NFXL1: variants seen among roughly 807,000 people sequenced by gnomAD.
NFXL1 encodes the protein NF-X1-type zinc finger protein NFXL1.
A neutral mutation model predicts 123.3 loss-of-function variants in NFXL1; 66 were observed. That is an observed-to-expected ratio of 0.54 (90% CI 0.44 to 0.66). NFXL1 has a LOEUF of 0.66. Among genes scored for constraint, NFXL1 ranks in the 30% least tolerant of loss-of-function variants. The pLI is 0.00. For synonymous variants in NFXL1, 346 were observed against 360.8 expected (o/e 0.96, Z 0.46); for missense variants, 944 against 1,125.6 (o/e 0.84, Z 2.31).
chr4:47,911,090 G>A, intron 2 of NFXL1, 96 bp from the exon 3 acceptor site: 1 of 670,578 alleles, frequency 1.5e-6, no homozygotes, highest in Non-Finnish European at 2.3e-6. Flanking sequence ...ACATTTGAAA[G>A]TCACCTTTGG....
intron 20 of NFXL1, among the ~76,000 whole-genome samples, chr4:47,853,430 T>C (rs1734232437): frequency 6.6e-6 from 1 of 151,994 alleles, no homozygotes; most frequent in African/African-American, 2.4e-5. Flanking sequence ...ATAAACTCTA[T>C]TTTACAGATG....
At chr4:47,907,654 T>C (rs978324641) in intron 3 of NFXL1, among the ~76,000 whole-genome samples, 1 of 152,340 alleles carries the variant, frequency 6.6e-6, no homozygotes, top group South Asian at 2.1e-4. Flanking sequence ...ATGGGAATCA[T>C]ATACTAATGG....
chr4:47,856,240 T>C (rs1367345983), intron 19 of NFXL1, among the ~76,000 whole-genome samples: 2 of 152,142 alleles, frequency 1.3e-5, no homozygotes, highest in Non-Finnish European at 2.9e-5. Context: ...ATTTCACATG[T>C]AAAAGAGTAT....
intron 18 of NFXL1, among the ~76,000 whole-genome samples, chr4:47,874,219 T>C (rs1439544327): frequency 6.6e-6 from 1 of 152,236 alleles, no homozygotes; most frequent in East Asian, 1.9e-4. Flanking sequence ...TTAAGAATTT[T>C]TCCTTTGCAT....
intron 10 of NFXL1, among the ~76,000 whole-genome samples, chr4:47,895,354 C>G (rs1262872147): frequency 6.6e-6 from 1 of 152,208 alleles, no homozygotes; most frequent in Non-Finnish European, 1.5e-5. Flanking sequence ...GAAGCTTTAA[C>G]TGTGAAAGTC....
At position 47,896,506 on chromosome 4, in the gene NFXL1, T is replaced by C. The variant is rs1560600587; in HGVS notation, c.1329+17A>G. The C allele has an allele frequency of 1.2e-6, 2 of 1,603,946 alleles. No individual in the cohort carries two copies. The highest frequency in any genetic ancestry group is 8.5e-7 in the Non-Finnish European group (1 of 1,171,098). On this transcript the variant is annotated intron_variant, in intron 10 of 22. Transcript: ENST00000507489. ...ATAGGTAGCTCTTAAAAGTAATTAT[T>C]ACAGGAGATGACTAACTTGTCTACA...
chr4:47,910,963 G>C lies in NFXL1; in HGVS notation c.267C>G (p.Ile89Met). ...ELMSQKKFEEIKKANQAAARK... is the reference protein window; with the variant it reads ...ELMSQKKFEEMKKANQAAARK... ...TGGCTGCAGCTTGGTTAGCTTTCTT[G>C]ATTTCTTCAAATTTTTTCTGAGACA... The change falls in exon 3 of 23, where the codon ATC becomes ATG. Residue 89 changes from isoleucine to methionine, a missense_variant. By Grantham distance (10) the Ile-to-Met change is conservative. Around this residue, in one of 4 missense-constraint regions of NFXL1, gnomAD observed 303 missense variants for 292.1 expected, o/e 1.04. Transcript: ENST00000507489. 1 of 1,603,474 alleles carries C rather than the reference G, an allele frequency of 6.2e-7. No individual in the cohort carries two copies. Among genetic ancestry groups the C allele is most frequent in the Non-Finnish European group, 8.5e-7 (1 of 1,176,136 alleles).
chr4:47,876,387 A>C (rs1030358355), intron 17 of NFXL1, among the ~76,000 whole-genome samples: 3 of 152,108 alleles, frequency 2.0e-5, no homozygotes, highest in Admixed American at 2.0e-4. Flanking sequence ...AATTGAGTTA[A>C]ATGAAGGAGA....
chr4:47,857,431 G>A (rs373621310), intron 19 of NFXL1, among the ~76,000 whole-genome samples: 2 of 152,090 alleles, frequency 1.3e-5, no homozygotes, highest in Admixed American at 6.5e-5. Flanking sequence ...CTATAGTGTC[G>A]CCTTTCACTT....
intron 19 of NFXL1, among the ~76,000 whole-genome samples, chr4:47,861,305 T>A (rs555298822): frequency 6.6e-6 from 1 of 152,222 alleles, no homozygotes; most frequent in African/African-American, 2.4e-5. Context: ...TGTCTACTCT[T>A]AGATTGTTCC....
At chr4:47,884,312 G>GTTTT in intron 15 of NFXL1, 34 bp downstream of exon 15, 2 of 970,244 alleles carry the variant, frequency 2.1e-6, no homozygotes, top group South Asian at 1.7e-5. Flanking sequence ...AAAGTTTTTT[G>GTTTT]TTTTTTTTTT....
chr4:47,887,633 C>A (rs987823236), intron 12 of NFXL1, among the ~76,000 whole-genome samples: 1 of 152,086 alleles, frequency 6.6e-6, no homozygotes, highest in Non-Finnish European at 1.5e-5. Context: ...ATATTTAAGT[C>A]GGTTCTCATT....
chr4:47,908,783 G>A (rs1356511553), intron 3 of NFXL1, among the ~76,000 whole-genome samples: 4 of 151,644 alleles, frequency 2.6e-5, no homozygotes, highest in East Asian at 1.9e-4. Context: ...GTAAAACCCC[G>A]TCTCTACTAA....
chr4:47,912,436 T>A (rs1455153576), intron 2 of NFXL1, among the ~76,000 whole-genome samples: 38 of 150,368 alleles, frequency 2.5e-4, no homozygotes, highest in Non-Finnish European at 5.6e-4. Context: ...AGGTAGAGAA[T>A]GCTTGTTTTC....
rs1218893340 is a variant in NFXL1 at position 47,885,525 on chromosome 4, A to G, written c.1797T>C (p.Asp599=). 5.6e-6 allele frequency: 9 copies of G among 1,613,520 alleles called. No individual in the cohort carries two copies. Among genetic ancestry groups the G allele is most frequent in the Admixed American group, 1.7e-5 (1 of 59,996 alleles). Reference sequence around the variant, plus strand: ...TGCCAGTCTGCTTTATTAATGCTTGATCATGACACGGAGCAGGACACAAGT... The same window carrying G: ...TGCCAGTCTGCTTTATTAATGCTTGGTCATGACACGGAGCAGGACACAAGT... ...CGHLCPAPCH[D]QALIKQTGRH... Residue 599 remains aspartate (D), a synonymous_variant, in exon 14 of 23, where the codon GAT becomes GAC. Transcript: ENST00000507489.
At position 47,875,399 on chromosome 4, in the gene NFXL1, G is replaced by A. The variant is rs1735685028; in HGVS notation, c.2080-106C>T. 4 of 737,366 alleles carry A rather than the reference G, an allele frequency of 5.4e-6. No individual in the cohort carries two copies. In the South Asian group the frequency reaches 1.0e-4, roughly 18 times the overall value. The allele number at this position is 737,366 out of a possible 1,614,324, so 45.7% of individuals were successfully genotyped here. A position where few individuals can be genotyped will look rare whatever the true frequency, so the allele number is the denominator to read the frequency against. ...TATCCCATTAAAATAAAGTACTTCT[G>A]CAGTTCTTAGAAACAGAGTTAATCA... On this transcript the variant is annotated intron_variant, in intron 17 of 22. Coordinates refer to ENST00000507489, the MANE Select transcript of NFXL1 (RefSeq NM_001278624.2).
intron 4 of NFXL1, among the ~76,000 whole-genome samples, chr4:47,904,869 A>G (rs1737495061): frequency 6.6e-6 from 1 of 151,912 alleles, no homozygotes; most frequent in Non-Finnish European, 1.5e-5. Flanking sequence ...GTTACTGCCA[A>G]GTTCTACTTT....
chr4:47,879,767 A>T (rs1443498262), intron 15 of NFXL1, among the ~76,000 whole-genome samples: 1 of 152,206 alleles, frequency 6.6e-6, no homozygotes, highest in African/African-American at 2.4e-5. Flanking sequence ...AAATGGAACC[A>T]CACAAATCAT....
chr4:47,898,003 G>C lies in NFXL1; in HGVS notation c.1168C>G (p.Arg390Gly), dbSNP rs865775005. 1.9e-6 allele frequency: 3 copies of C among 1,611,536 alleles called. No individual in the cohort carries two copies. The highest frequency in any genetic ancestry group is 2.5e-6 in the Non-Finnish European group (3 of 1,179,002). The change falls in exon 9 of 23, where the codon CGA becomes GGA. Residue 390 changes from arginine to glycine, a missense_variant. Transcript: ENST00000507489. ...CATGGACAGAACCTTTTCCCAGATCGAGGACATTCTCCACAAGCACCAACA... is the reference window on the plus strand; with the variant it reads ...CATGGACAGAACCTTTTCCCAGATCCAGGACATTCTCCACAAGCACCAACA... ...CHVGACGECP[R>G]SGKRFCPCQK...
Sources: allele counts gnomAD v4.1 joint callset (sites outside exome capture counted in the v4.1 genomes callset), GRCh38; gene constraint gnomAD v4.1.1; regional missense constraint gnomAD v4.1.1; transcripts MANE v1.5; gene names NCBI Gene and HGNC (gene_info 2026-07-23, HGNC 2026-07-21).